Variants in NTM observed in about 807,000 individuals in gnomAD.
NTM encodes neurotrimin, also known as IgLON family member 2.
In NTM, 13 loss-of-function variants were observed where a neutral mutation model predicts 42.1. That is an observed-to-expected ratio of 0.31 (90% CI 0.20 to 0.49). NTM has a LOEUF of 0.49. NTM is among the 20% of genes least tolerant of loss of function. The probability of loss-of-function intolerance (pLI) is 0.99; values close to 1 mark genes in which losing one functional copy is unlikely to be tolerated. For missense variants in NTM, 373 were observed against 452.8 expected (o/e 0.82, Z 1.60); for synonymous variants, 187 against 179.2 (o/e 1.04, Z -0.35).
intron 1 of NTM, among the ~76,000 whole-genome samples, chr11:131,768,060 A>C (rs910238543): frequency 6.6e-6 from 1 of 150,770 alleles, no homozygotes; most frequent in African/African-American, 2.4e-5. Context: ...TTTTTGGTCC[A>C]TGATTAGAGT....
chr11:132,225,392 C>A (rs1342159590), intron 4 of NTM, among the ~76,000 whole-genome samples: 1 of 151,870 alleles, frequency 6.6e-6, no homozygotes, highest in Non-Finnish European at 1.5e-5. Flanking sequence ...AGAAAGCCAG[C>A]TCAGCACAGA....
intron 1 of NTM, among the ~76,000 whole-genome samples, chr11:131,557,901 G>A (rs2055671912): frequency 6.6e-6 from 1 of 152,202 alleles, no homozygotes; most frequent in Admixed American, 6.5e-5. Flanking sequence ...ATGCAGCTCA[G>A]CTTTTGAGGG....
Position 131,521,383 on chromosome 11 carries a change from C to CTTTTTTT in NTM, c.82+150528_82+150534dup, listed in dbSNP as rs773233050. On this transcript the variant is annotated intron_variant, in intron 1 of 8. Transcript: ENST00000683400. ...AATGCAGAAGAAGCAAGGTGCCAGT[C>CTTTTTTT]TTTTTTTTTTTTTTTTTTTTTTTTT... 7.6e-4 allele frequency among the ~76,000 whole-genome samples: 35 copies of CTTTTTTT among 45,756 alleles called. 12 individuals carry two copies. The highest frequency in any genetic ancestry group is 1.9e-3 in the South Asian group (2 of 1,074). The allele number at this position is 45,756 out of a possible 152,430, so 30.0% of individuals were successfully genotyped here. A position where few individuals can be genotyped will look rare whatever the true frequency, so the allele number is the denominator to read the frequency against.
At chr11:131,622,589 A>G (rs189211117) in intron 1 of NTM, among the ~76,000 whole-genome samples, 5 of 152,340 alleles carry the variant, frequency 3.3e-5, no homozygotes, top group Admixed American at 2.0e-4. Context: ...TGCTGTACAC[A>G]CAGAATATAA....
chr11:131,864,791 T>C (rs993243145), intron 1 of NTM, among the ~76,000 whole-genome samples: 3 of 152,232 alleles, frequency 2.0e-5, no homozygotes, highest in African/African-American at 7.2e-5. Context: ...TGTTACCTCC[T>C]GGTCCATTTT....
At chr11:131,667,411 A>C (rs1415160589) in intron 1 of NTM, among the ~76,000 whole-genome samples, 2 of 152,124 alleles carry the variant, frequency 1.3e-5, no homozygotes, top group African/African-American at 4.8e-5. Flanking sequence ...CCTGATCCCC[A>C]GGCTGGGTGC....
At chr11:131,779,210 C>T (rs769592354) in intron 1 of NTM, among the ~76,000 whole-genome samples, 2 of 152,156 alleles carry the variant, frequency 1.3e-5, no homozygotes, top group African/African-American at 4.8e-5. Context: ...GAAGAGGATT[C>T]GAAACCTCAG....
chr11:131,464,577 G>A (rs1951716606), intron 1 of NTM, among the ~76,000 whole-genome samples: 1 of 151,524 alleles, frequency 6.6e-6, no homozygotes, highest in African/African-American at 2.4e-5. Flanking sequence ...TTTCCTTACT[G>A]CCCCCTCCCC....
rs936645763 is a variant in NTM, at chr11:132,106,030, C to T, written c.168-40252C>T. On this transcript the variant is annotated intron_variant, in intron 2 of 8. Coordinates refer to ENST00000683400, the MANE Select transcript of NTM (RefSeq NM_001352005.2). ...TTTGAGGGTGGCCTGGGATCATGGG[C>T]TCCGTGGCAACCAGGGTGGATATTG... 2.0e-5 allele frequency among the ~76,000 whole-genome samples: 3 copies of T among 152,212 alleles called. No homozygotes were observed. In the East Asian group the frequency reaches 5.8e-4, roughly 29 times the overall value.
chr11:131,842,319 C>T (rs1471757530), intron 1 of NTM, among the ~76,000 whole-genome samples: 1 of 152,154 alleles, frequency 6.6e-6, no homozygotes, highest in East Asian at 1.9e-4. Flanking sequence ...TTATAAGGGT[C>T]TGAATGAGCT....
At chr11:131,592,702 G>C (rs1360459252) in intron 1 of NTM, among the ~76,000 whole-genome samples, 1 of 146,766 alleles carries the variant, frequency 6.8e-6, no homozygotes, top group East Asian at 2.1e-4. Context: ...GTTCAAAGTT[G>C]ACCTTTAGGG....
At chr11:131,753,433 A>C (rs1049248320) in intron 1 of NTM, among the ~76,000 whole-genome samples, 6 of 152,160 alleles carry the variant, frequency 3.9e-5, no homozygotes, top group Non-Finnish European at 7.3e-5. Context: ...CTATAAAGAC[A>C]CATGCACACC....
At chr11:132,034,768 G>A (rs530490435) in intron 2 of NTM, among the ~76,000 whole-genome samples, 1 of 152,336 alleles carries the variant, frequency 6.6e-6, no homozygotes, top group South Asian at 2.1e-4. Flanking sequence ...TAACTGTGCC[G>A]AGGCTGGATG....
intron 2 of NTM, among the ~76,000 whole-genome samples, chr11:131,997,002 A>G (rs1280579491): frequency 2.6e-5 from 4 of 152,170 alleles, no homozygotes; most frequent in African/African-American, 4.8e-5. Context: ...CATAGCCTCC[A>G]TGATCAATCA....
At chr11:132,232,693 A>G (rs959714028) in intron 4 of NTM, among the ~76,000 whole-genome samples, 2 of 152,236 alleles carry the variant, frequency 1.3e-5, no homozygotes, top group African/African-American at 4.8e-5. Flanking sequence ...TGCTTTGTAA[A>G]CATGAACACA....
intron 1 of NTM, among the ~76,000 whole-genome samples, chr11:131,679,452 C>T (rs1172691737): frequency 2.0e-5 from 3 of 151,862 alleles, no homozygotes; most frequent in Non-Finnish European, 4.4e-5. Flanking sequence ...ATTCCAAAGC[C>T]AAGTCTGGGC....
At chr11:132,067,481 C>T (rs1359692280) in intron 2 of NTM, among the ~76,000 whole-genome samples, 3 of 152,142 alleles carry the variant, frequency 2.0e-5, no homozygotes, top group East Asian at 1.9e-4. Context: ...TATGATCCAC[C>T]CCAAGGTAAA....
At chr11:131,386,640 C>T (rs1943350114) in intron 1 of NTM, among the ~76,000 whole-genome samples, 1 of 152,222 alleles carries the variant, frequency 6.6e-6, no homozygotes, top group African/African-American at 2.4e-5. Context: ...TGTGTTTGCA[C>T]ACACCTATGT....
rs1469798731 is a variant in NTM, at chr11:131,714,480, C to T, written c.83-197084C>T. Among the ~76,000 whole-genome samples, 3 of 152,118 alleles carry T rather than the reference C, an allele frequency of 2.0e-5. No homozygotes were observed. The East Asian group carries it at 5.8e-4, about 29-fold the overall frequency. On this transcript the variant is annotated intron_variant, in intron 1 of 8. Coordinates refer to ENST00000683400, the MANE Select transcript of NTM (RefSeq NM_001352005.2). ...TGTTGGGATTACAGATGTGAGCCACCACAACCAGCCAAGATTTTTTCTATC... is the reference window on the plus strand; with the variant it reads ...TGTTGGGATTACAGATGTGAGCCACTACAACCAGCCAAGATTTTTTCTATC...
Sources: gnomAD v4.1 joint callset for allele counts (sites outside exome capture counted in the v4.1 genomes callset) on GRCh38, gnomAD v4.1.1 for gene constraint, MANE v1.5 for transcripts, NCBI Gene and HGNC (gene_info 2026-07-23, HGNC 2026-07-21) for gene names.